Variants in LIMCH1 observed in about 807,000 individuals in gnomAD.
The protein encoded by LIMCH1 is LIM and calponin homology domains-containing protein 1.
In LIMCH1, 113 loss-of-function variants were observed where a neutral mutation model predicts 176.5. The ratio of observed to expected loss-of-function variants is 0.64; its 90% CI spans 0.55 to 0.75. The LOEUF is 0.75. Among genes scored for constraint, LIMCH1 ranks in the 30% least tolerant of loss-of-function variants. The pLI is 0.00. For missense variants in LIMCH1, 1,674 were observed against 1,814.9 expected, an observed-to-expected ratio of 0.92 and a Z score of 1.41; for synonymous variants, 619 against 645.9, an observed-to-expected ratio of 0.96 and a Z score of 0.63.
chr4:41,384,359 C>T (rs1182999417), intron 1 of LIMCH1, among the ~76,000 whole-genome samples: 1 of 151,958 alleles, frequency 6.6e-6, no homozygotes, highest in Middle Eastern at 3.2e-3. Flanking sequence ...TGCCTGCCAC[C>T]ACGCCGGGCT....
At chr4:41,481,238 A>C (rs1015962530) in intron 1 of LIMCH1, among the ~76,000 whole-genome samples, 1 of 152,192 alleles carries the variant, frequency 6.6e-6, no homozygotes, top group African/African-American at 2.4e-5. Flanking sequence ...GCCAACACAA[A>C]CTGAATAGAT....
intron 2 of LIMCH1, among the ~76,000 whole-genome samples, chr4:41,522,962 G>C (rs781113520): frequency 5.0e-4 from 76 of 152,164 alleles, no homozygotes; most frequent in Non-Finnish European, 9.8e-4. Flanking sequence ...AACAGCACTT[G>C]TGCACTCTGA....
At chr4:41,640,959 C>G (rs1338918474) in intron 14 of LIMCH1, among the ~76,000 whole-genome samples, 2 of 152,216 alleles carry the variant, frequency 1.3e-5, no homozygotes, top group African/African-American at 4.8e-5. Flanking sequence ...CTTTCACACT[C>G]TTTCCCTCCC....
intron 9 of LIMCH1, 34 bp downstream of exon 9, chr4:41,629,768 C>A: frequency 2.0e-6 from 3 of 1,513,390 alleles, no homozygotes; most frequent in Non-Finnish European, 2.6e-6. Flanking sequence ...TTCCCCCTGG[C>A]AGTCATGGTA....
chr4:41,607,437 A>G (rs1029413522), intron 4 of LIMCH1, among the ~76,000 whole-genome samples: 1 of 152,194 alleles, frequency 6.6e-6, no homozygotes, highest in African/African-American at 2.4e-5. Context: ...CAGACACACA[A>G]TGAAGCACAA....
chr4:41,435,037 G>A (rs753525107), intron 1 of LIMCH1, among the ~76,000 whole-genome samples: 5 of 152,284 alleles, frequency 3.3e-5, no homozygotes, highest in Non-Finnish European at 5.9e-5. Context: ...TATGGAAAAT[G>A]AGACTTTGCA....
In LIMCH1 at chr4:41,650,376, C is replaced by A; in HGVS notation, c.2821-17C>A. The A allele has an allele frequency of 6.3e-7, 1 of 1,597,742 alleles. No individual in the cohort carries two copies. The highest frequency in any genetic ancestry group is 1.1e-5 in the South Asian group (1 of 90,396). On this transcript the variant is annotated splice_polypyrimidine_tract_variant and intron_variant, in intron 17 of 31. Coordinates refer to ENST00000503057, the MANE Select transcript of LIMCH1 (RefSeq NM_001330672.2). ...GGGTATATATAGCATGTTTTTTGTT[C>A]ATTCTGGCTTTTATAGGTAGACGGG... is the stretch of plus-strand genomic sequence containing the variant.
chr4:41,360,703 G>T, upstream of LIMCH1: 1 of 479,390 alleles, frequency 2.1e-6, no homozygotes. This position sits in a 1 kb window ranked among gnomAD's most constrained non-coding sequence, Gnocchi z 4.5. Context: ...GGCTCTCCCG[G>T]GACCTGCGCC....
chr4:41,514,016 A>T (rs1400969204), intron 2 of LIMCH1, among the ~76,000 whole-genome samples: 12 of 56,442 alleles, frequency 2.1e-4, no homozygotes, highest in Non-Finnish European at 3.7e-4. Context: ...AAAAAAAAAA[A>T]AAAAAAAAAA....
In LIMCH1 at chr4:41,613,109, T is replaced by C. The variant is rs918035307; in HGVS notation, c.10-357T>C. 1.4e-5 allele frequency: 21 copies of C among 1,551,676 alleles called. No individual in the cohort carries two copies. The Admixed American group carries it at 4.1e-4, about 30-fold the overall frequency. ...GAAAGACAAGTCAAGGTTAAGGTTT[T>C]GGTTTTTCGTTTTTGTTTTGAACTA... On this transcript the variant is annotated intron_variant, in intron 4 of 31. Transcript: ENST00000503057.
intron 1 of LIMCH1, among the ~76,000 whole-genome samples, chr4:41,379,830 G>A (rs972576796): frequency 7.9e-5 from 12 of 151,550 alleles, no homozygotes; most frequent in Admixed American, 2.6e-4. Flanking sequence ...ACAGAGTCTC[G>A]CTGTGTTGCC....
At chr4:41,480,116 A>G (rs2068344285) in intron 1 of LIMCH1, among the ~76,000 whole-genome samples, 1 of 152,080 alleles carries the variant, frequency 6.6e-6, no homozygotes, top group South Asian at 2.1e-4. Context: ...CCTACCCATG[A>G]TTTCCAACCT....
chr4:41,368,266 G>A (rs944439893), intron 1 of LIMCH1, among the ~76,000 whole-genome samples: 1 of 152,196 alleles, frequency 6.6e-6, no homozygotes, highest in Admixed American at 6.5e-5. Context: ...ATATTTTAAT[G>A]TGTGAAAGTG....
chr4:41,594,032 C>A (rs1362180833), intron 1 of LIMCH1, among the ~76,000 whole-genome samples: 2 of 152,054 alleles, frequency 1.3e-5, no homozygotes, highest in Non-Finnish European at 2.9e-5. Flanking sequence ...GATAATTCAC[C>A]CCTAAATAAT....
At chr4:41,498,752 A>C (rs141218814) in intron 2 of LIMCH1, among the ~76,000 whole-genome samples, 1 of 152,206 alleles carries the variant, frequency 6.6e-6, no homozygotes, top group Non-Finnish European at 1.5e-5. Flanking sequence ...TTCCCTGCAC[A>C]TACACCGGCC....
chr4:41,696,438 C>T (rs1025010283), intron 31 of LIMCH1, among the ~76,000 whole-genome samples: 7 of 152,120 alleles, frequency 4.6e-5, no homozygotes, highest in African/African-American at 1.4e-4. Flanking sequence ...AAGGTTTCAG[C>T]AGAAAATATG....
chr4:41,360,783 G>GCGGCGA (rs1337673003), upstream of LIMCH1: 1 of 1,345,640 alleles, frequency 7.4e-7, no homozygotes, highest in African/African-American at 1.5e-5. The surrounding 1 kb of genome is among the most constrained non-coding windows in gnomAD (Gnocchi z 4.5). Flanking sequence ...CGCTCCTGCG[G>GCGGCGA]CGGCGACGGC....
At chr4:41,696,114 A>C (rs1730458004) in intron 31 of LIMCH1, among the ~76,000 whole-genome samples, 1 of 152,196 alleles carries the variant, frequency 6.6e-6, no homozygotes, top group African/African-American at 2.4e-5. Flanking sequence ...ATTTAAATGA[A>C]ATTTTTCTCT....
chr4:41,601,573 G>A (rs1033908166), intron 2 of LIMCH1, among the ~76,000 whole-genome samples: 2 of 152,200 alleles, frequency 1.3e-5, no homozygotes, highest in Admixed American at 6.5e-5. Context: ...GACATGTGTG[G>A]TGGGCGTGGC....
Sources: gnomAD v4.1 joint callset for allele counts (sites outside exome capture counted in the v4.1 genomes callset) on GRCh38, gnomAD v4.1.1 for gene constraint, Gnocchi (gnomAD v3.1) non-coding constraint, MANE v1.5 for transcripts, NCBI Gene and HGNC (gene_info 2026-07-23, HGNC 2026-07-21) for gene names.